The following SCGN variants were observed in gnomAD, a reference collection of about 807,000 sequenced individuals.
The protein encoded by SCGN is secretagogin, EF-hand calcium binding protein, also known as secretagogin.
SCGN carries 30 observed loss-of-function variants against 39.7 expected under a neutral mutation model. The observed-to-expected ratio is 0.76, with a 90% CI of 0.57 to 1.03. SCGN has a LOEUF of 1.03. Ranked by LOEUF, SCGN falls within the 50% of genes least tolerant of loss-of-function variation. The probability of loss-of-function intolerance (pLI) is 0.00; values close to 1 mark genes in which losing one functional copy is unlikely to be tolerated. For synonymous variants in SCGN, 106 were observed against 114.1 expected, an observed-to-expected ratio of 0.93 and a Z score of 0.45; for missense variants, 353 against 349.4, an observed-to-expected ratio of 1.01 and a Z score of -0.08.
chr6:25,664,844 T>G, intron 3 of SCGN, 99 bp from the exon 4 acceptor site: 2 of 796,386 alleles, frequency 2.5e-6, no homozygotes, highest in East Asian at 5.0e-5. Flanking sequence ...TCTGAGCCCT[T>G]CTGCCCTGGA....
At position 25,653,439 on chromosome 6, in the gene SCGN, A is replaced by G. The variant is rs1005578741; in HGVS notation, c.140A>G (p.Lys47Arg). 15 of 1,612,772 alleles carry G rather than the reference A, an allele frequency of 9.3e-6. No individual in the cohort carries two copies. Among genetic ancestry groups the G allele is most frequent in the Non-Finnish European group, 1.2e-5 (14 of 1,178,996 alleles). Residue 47 changes from lysine to arginine, a missense_variant, in exon 2 of 11, where the codon AAA becomes AGA. By Grantham distance (26) the Lys-to-Arg change is conservative (BLOSUM62 2). Transcript: ENST00000377961. Reference sequence around the variant, plus strand: ...GCTTTCTTTCTCCACATGTTGATGAAACTGGGTACTGATGTAAGTACTTGC... The same window carrying G: ...GCTTTCTTTCTCCACATGTTGATGAGACTGGGTACTGATGTAAGTACTTGC... ...LDAFFLHMLMKLGTDDTVMKA... is the reference protein window; with the variant it reads ...LDAFFLHMLMRLGTDDTVMKA...
chr6:25,666,519 T>C (rs937842393), intron 4 of SCGN, among the ~76,000 whole-genome samples: 3 of 152,226 alleles, frequency 2.0e-5, no homozygotes, highest in African/African-American at 7.2e-5. Flanking sequence ...AAGTTAGTTA[T>C]GATATATTCA....
chr6:25,700,237 G>A (rs1007642171), intron 10 of SCGN, among the ~76,000 whole-genome samples: 1 of 31,284 alleles, frequency 3.2e-5, no homozygotes, highest in Non-Finnish European at 5.7e-5. Context: ...CTGCGACTTC[G>A]TCTCAAAAAA....
intron 2 of SCGN, among the ~76,000 whole-genome samples, chr6:25,660,387 C>CT (rs1195234305): frequency 1.3e-5 from 2 of 152,196 alleles, no homozygotes; most frequent in Non-Finnish European, 2.9e-5. Flanking sequence ...GACCAGGTCT[C>CT]TTTTGCTGAC....
At position 25,699,967 on chromosome 6, in the gene SCGN, C is replaced by T. The variant is rs551522526; in HGVS notation, c.703-1240C>T. Among the ~76,000 whole-genome samples, 9 of 151,962 alleles carry T rather than the reference C, an allele frequency of 5.9e-5. No homozygotes were observed. The East Asian group carries it at 1.2e-3, about 20-fold the overall frequency. On this transcript the variant is annotated intron_variant, in intron 10 of 10. Coordinates refer to ENST00000377961, the MANE Select transcript of SCGN (RefSeq NM_006998.4). ...CTATTTTAAATTTAGGGCCAGTGGC[C>T]GGGCACGGTGGCTCACTCCTGTAAT...
chr6:25,677,493 A>G (rs1432829294), intron 6 of SCGN, among the ~76,000 whole-genome samples: 1 of 152,212 alleles, frequency 6.6e-6, no homozygotes, highest in Admixed American at 6.5e-5. Context: ...GCATATGGCA[A>G]TAATTTCCAG....
rs567588593 is a variant in SCGN, at chr6:25,657,002, C to A, written c.153+3550C>A. Among the ~76,000 whole-genome samples the A allele has an allele frequency of 5.6e-4, 85 of 152,262 alleles. 1 individual carries two copies. The highest frequency in any genetic ancestry group is 1.2e-3 in the Admixed American group (18 of 15,292). On this transcript the variant is annotated intron_variant, in intron 2 of 10. Coordinates refer to ENST00000377961, the MANE Select transcript of SCGN (RefSeq NM_006998.4). ...TTGTGGAGTTCTTAATCTAAAAGATCAAGCTGAATTTCAAAGTGAAGTTCG... is the reference window on the plus strand; with the variant it reads ...TTGTGGAGTTCTTAATCTAAAAGATAAAGCTGAATTTCAAAGTGAAGTTCG...
chr6:25,652,528 C>A, intron 1 of SCGN, 43 bp downstream of exon 1: 1 of 1,583,872 alleles, frequency 6.3e-7, no homozygotes, highest in Non-Finnish European at 8.7e-7. Context: ...GTAGACGTGG[C>A]TCCAAGCTCA....
At chr6:25,676,729 C>T (rs181468150) in intron 6 of SCGN, among the ~76,000 whole-genome samples, 7 of 152,244 alleles carry the variant, frequency 4.6e-5, no homozygotes, top group African/African-American at 9.6e-5. Context: ...TTTCATGTTA[C>T]GTATGTAAAA....
intron 6 of SCGN, among the ~76,000 whole-genome samples, chr6:25,672,029 A>AATAT (rs1759503864): frequency 6.6e-6 from 1 of 152,096 alleles, no homozygotes; most frequent in South Asian, 2.1e-4. Context: ...TTTACTTCTT[A>AATAT]ATATAGCTCA....
In SCGN at chr6:25,701,267, G is replaced by T. The variant is rs200081828; in HGVS notation, c.763G>T (p.Val255Leu). 201 of 1,613,586 alleles carry T rather than the reference G, an allele frequency of 1.2e-4. No homozygotes were observed. The highest frequency in any genetic ancestry group is 1.5e-5 in the Non-Finnish European group (18 of 1,179,860). Residue 255 changes from valine (V) to leucine (L), a missense_variant, in exon 11 of 11, where the codon GTG (valine) becomes TTG (leucine). Val to Leu is a conservative substitution (Grantham distance 32). Coordinates refer to ENST00000377961, the MANE Select transcript of SCGN (RefSeq NM_006998.4). ...FREILLRHCDVNKDGKIQKSE... is the reference protein window; with the variant it reads ...FREILLRHCDLNKDGKIQKSE... Reference sequence around the variant, plus strand: ...CGAGATTCTCCTGCGTCACTGCGACGTGAACAAGGATGGAAAAATTCAGAA... The same window carrying T: ...CGAGATTCTCCTGCGTCACTGCGACTTGAACAAGGATGGAAAAATTCAGAA...
At chr6:25,673,038 A>T (rs1451467165) in intron 6 of SCGN, among the ~76,000 whole-genome samples, 1 of 152,130 alleles carries the variant, frequency 6.6e-6, no homozygotes, top group African/African-American at 2.4e-5. Context: ...GGGACCTGAC[A>T]AGTAGTAGCC....
chr6:25,701,281 A>G lies in SCGN; in HGVS notation c.777A>G (p.Gly259=), dbSNP rs1759909028. The G allele has an allele frequency of 6.2e-7, 1 of 1,613,612 alleles. No homozygotes were observed. Among genetic ancestry groups the G allele is most frequent in the Non-Finnish European group, 8.5e-7 (1 of 1,179,800 alleles). The stretch of plus-strand genomic sequence containing the variant: ...GTCACTGCGACGTGAACAAGGATGG[A>G]AAAATTCAGAAGTCTGAGCTGGCTT... ...LLRHCDVNKD[G]KIQKSELALC... The change falls in exon 11 of 11, where the codon GGA becomes GGG. Residue 259 remains glycine (G), a synonymous_variant. Coordinates refer to ENST00000377961, the MANE Select transcript of SCGN (RefSeq NM_006998.4).
intron 6 of SCGN, 78 bp from the exon 7 acceptor site, chr6:25,681,873 C>A (rs1759640791): frequency 2.4e-6 from 3 of 1,262,384 alleles, no homozygotes; most frequent in Admixed American, 1.7e-5. Context: ...ATCAGAAGAG[C>A]AAAATAGAAA....
chr6:25,689,097 A>C (rs1423600859), intron 7 of SCGN, 75 bp from the exon 8 acceptor site: 4 of 1,001,766 alleles, frequency 4.0e-6, no homozygotes, highest in Non-Finnish European at 6.0e-6. Context: ...TACTTTCCAC[A>C]CACCAGGGCT....
At chr6:25,670,672 G>A (rs1211769555) in intron 6 of SCGN, among the ~76,000 whole-genome samples, 1 of 152,194 alleles carries the variant, frequency 6.6e-6, no homozygotes, top group Non-Finnish European at 1.5e-5. Context: ...AGAATATAAT[G>A]AGTTAGCTCT....
intron 7 of SCGN, 83 bp downstream of exon 7, chr6:25,682,089 G>T: frequency 4.8e-6 from 5 of 1,049,880 alleles, no homozygotes; most frequent in Non-Finnish European, 7.4e-6. Flanking sequence ...TTTTGAGACT[G>T]GAGATCAAGC....
Position 25,691,590 on chromosome 6 carries a change from TG to T in SCGN, c.702+470del, listed in dbSNP as rs200230906. Among the ~76,000 whole-genome samples, 196 of 152,302 alleles carry T rather than the reference TG, an allele frequency of 1.3e-3. 2 individuals are homozygous for T. Among genetic ancestry groups the T allele is most frequent in the East Asian group, 0.011 (59 of 5,184 alleles). On this transcript the variant is annotated intron_variant, in intron 10 of 10. Transcript: ENST00000377961. Reference sequence around the variant, plus strand: ...TTATCGGTTAAGACATTGCTGAGGTTGGGGCGGATGAAATTTAGATTATATT... The same window carrying T: ...TTATCGGTTAAGACATTGCTGAGGTTGGGCGGATGAAATTTAGATTATATT...
At chr6:25,670,300 G>A (rs1759478139) in intron 6 of SCGN, among the ~76,000 whole-genome samples, 1 of 152,232 alleles carries the variant, frequency 6.6e-6, no homozygotes, top group Non-Finnish European at 1.5e-5. Flanking sequence ...TCACCAGTCT[G>A]TGGGGAAACC....
Sources: gnomAD v4.1 joint callset for allele counts (sites outside exome capture counted in the v4.1 genomes callset) on GRCh38, gnomAD v4.1.1 for gene constraint, MANE v1.5 for transcripts, NCBI Gene and HGNC (gene_info 2026-07-23, HGNC 2026-07-21) for gene names.